The following AGPAT5 variants were observed in gnomAD, a reference collection of about 807,000 sequenced individuals.
AGPAT5 encodes the protein 1-acylglycerol-3-phosphate O-acyltransferase 5.
In AGPAT5, 46 loss-of-function variants were observed where a neutral mutation model predicts 45.6. That is an observed-to-expected ratio of 1.01 (90% CI 0.80 to 1.29). AGPAT5 has a LOEUF of 1.29. Ranked by LOEUF, AGPAT5 falls within the 50% of genes most tolerant of loss-of-function variation. The probability of loss-of-function intolerance (pLI) is 0.00; values close to 1 mark genes in which losing one functional copy is unlikely to be tolerated. For synonymous variants in AGPAT5, 272 were observed against 167.0 expected (o/e 1.63, Z -4.85); for missense variants, 673 against 450.7 (o/e 1.49, Z -4.47).
intron 4 of AGPAT5, 146 bp from the exon 5 acceptor site, chr8:6,741,515 A>G: frequency 1.9e-6 from 1 of 519,370 alleles, no homozygotes; most frequent in Non-Finnish European, 3.4e-6. Flanking sequence ...GCCCCTCTTG[A>G]AACGAAGGTC....
chr8:6,734,268 A>T (rs1414422020), intron 4 of AGPAT5, among the ~76,000 whole-genome samples: 9 of 148,468 alleles, frequency 6.1e-5, no homozygotes, highest in African/African-American at 1.5e-4. Context: ...TTTTTTTTTT[A>T]ATTTTTTTTT....
chr8:6,741,763 T>C lies in AGPAT5; in HGVS notation c.586+12T>C. On this transcript the variant is annotated intron_variant, in intron 5 of 7. Transcript: ENST00000285518. The stretch of plus-strand genomic sequence containing the variant: ...TGCTGCCCAACGTGGTAAGTAAAAA[T>C]TTGAGTGTTTGAACAAATAATTTTC... 6.3e-7 allele frequency: 1 copy of C among 1,575,380 alleles called. No individual in the cohort carries two copies. Among genetic ancestry groups the C allele is most frequent in the Non-Finnish European group, 8.7e-7 (1 of 1,151,860 alleles).
chr8:6,740,304 AAATG>A (rs1344090651), intron 4 of AGPAT5, among the ~76,000 whole-genome samples: 1 of 151,980 alleles, frequency 6.6e-6, no homozygotes, highest in African/African-American at 2.4e-5. Flanking sequence ...ATTTTCATGA[AAATG>A]AATGTGTGGT....
intron 6 of AGPAT5, 24 bp from the exon 7 acceptor site, chr8:6,755,027 A>G (rs200414711): frequency 6.5e-7 from 1 of 1,546,506 alleles, no homozygotes; most frequent in Non-Finnish European, 8.7e-7. Flanking sequence ...GTAAAAAAAA[A>G]GAATTATTTT....
At chr8:6,740,226 T>C (rs1237609037) in intron 4 of AGPAT5, among the ~76,000 whole-genome samples, 1 of 152,046 alleles carries the variant, frequency 6.6e-6, no homozygotes, top group East Asian at 1.9e-4. Flanking sequence ...AATGACTGAG[T>C]TGAAAGCTGA....
At chr8:6,715,235 AGGTAGG>A (rs1800282381) in intron 1 of AGPAT5, among the ~76,000 whole-genome samples, 2 of 152,156 alleles carry the variant, frequency 1.3e-5, no homozygotes, top group Non-Finnish European at 2.9e-5. Flanking sequence ...GGTGGGTGAG[AGGTAGG>A]GGTTTGGAAA....
intron 1 of AGPAT5, among the ~76,000 whole-genome samples, chr8:6,719,098 G>T (rs1800420649): frequency 6.6e-6 from 1 of 152,164 alleles, no homozygotes; most frequent in Non-Finnish European, 1.5e-5. Context: ...AAAATGACTT[G>T]CATAAATCTG....
At chr8:6,754,608 C>G (rs1218606258) in intron 6 of AGPAT5, among the ~76,000 whole-genome samples, 1 of 152,106 alleles carries the variant, frequency 6.6e-6, no homozygotes, top group Non-Finnish European at 1.5e-5. Context: ...CCCTGTGGAG[C>G]TCGCAGTCTG....
chr8:6,725,796 A>G (rs1361929042), intron 2 of AGPAT5, among the ~76,000 whole-genome samples: 1 of 152,238 alleles, frequency 6.6e-6, no homozygotes, highest in Non-Finnish European at 1.5e-5. Context: ...CCTGATCAAT[A>G]TAGTACTCTT....
chr8:6,711,127 C>G (rs1006358715), intron 1 of AGPAT5, among the ~76,000 whole-genome samples: 2 of 152,062 alleles, frequency 1.3e-5, no homozygotes, highest in Non-Finnish European at 2.9e-5. Context: ...CCTTTCAACT[C>G]TAGGTTTAAA....
At chr8:6,730,661 C>A in intron 2 of AGPAT5, 50 bp from the exon 3 acceptor site, 1 of 1,240,342 alleles carries the variant, frequency 8.1e-7, no homozygotes, top group Non-Finnish European at 1.2e-6. Context: ...ATTCATAGTA[C>A]AACCTGTGAA....
At chr8:6,726,323 A>AT (rs1337791102) in intron 2 of AGPAT5, among the ~76,000 whole-genome samples, 1 of 152,110 alleles carries the variant, frequency 6.6e-6, no homozygotes, top group Non-Finnish European at 1.5e-5. Context: ...GATAGATTTG[A>AT]TTTTCCTGCA....
rs537592148 is a variant in AGPAT5 at position 6,741,806 on chromosome 8, T to C, written c.586+55T>C. On this transcript the variant is annotated intron_variant, in intron 5 of 7. Transcript: ENST00000285518. Reference sequence around the variant, plus strand: ...TAATTTTCAAAGATAATAACATTTTTAGTTTTTCTTCCTGGAAAAGATACT... The same window carrying C: ...TAATTTTCAAAGATAATAACATTTTCAGTTTTTCTTCCTGGAAAAGATACT... The C allele has an allele frequency of 2.9e-6, 4 of 1,375,734 alleles. No homozygotes were observed. The Admixed American group carries it at 5.4e-5, about 19-fold the overall frequency. 85.2% of individuals were successfully genotyped at this position (1,375,734 alleles called of 1,614,324 possible).
intron 7 of AGPAT5, among the ~76,000 whole-genome samples, chr8:6,756,480 G>A (rs1165619615): frequency 2.0e-5 from 3 of 152,104 alleles, no homozygotes; most frequent in East Asian, 3.9e-4. Flanking sequence ...ACAAAAATTA[G>A]CCAGGCGTGC....
chr8:6,749,972 C>T (rs1244838572), intron 6 of AGPAT5, among the ~76,000 whole-genome samples: 3 of 152,182 alleles, frequency 2.0e-5, no homozygotes, highest in African/African-American at 7.2e-5. Flanking sequence ...CGTGAAGCCT[C>T]GGCCGTGGTG....
chr8:6,721,629 C>T (rs1800501811), intron 1 of AGPAT5, among the ~76,000 whole-genome samples: 2 of 152,170 alleles, frequency 1.3e-5, no homozygotes, highest in South Asian at 2.1e-4. Context: ...CGTAAAATGA[C>T]AGATGAGGAT....
At chr8:6,708,927 A>C in intron 1 of AGPAT5, 40 bp downstream of exon 1, 1 of 1,567,166 alleles carries the variant, frequency 6.4e-7, no homozygotes, top group Non-Finnish European at 8.6e-7. Context: ...CGTCCACCCG[A>C]GCTCCCGGGG....
At chr8:6,732,737 A>C (rs551550888) in intron 4 of AGPAT5, 87 bp downstream of exon 4, 1 of 1,197,966 alleles carries the variant, frequency 8.3e-7, no homozygotes, top group Non-Finnish European at 1.1e-6. Flanking sequence ...TTGTTTTGAC[A>C]ATGTATTTTC....
At chr8:6,737,794 A>G (rs1056368399) in intron 4 of AGPAT5, among the ~76,000 whole-genome samples, 4 of 152,222 alleles carry the variant, frequency 2.6e-5, no homozygotes, top group African/African-American at 7.2e-5. Flanking sequence ...TTTCTGGATA[A>G]CTTGCTATAG....
Sources: allele counts gnomAD v4.1 joint callset (sites outside exome capture counted in the v4.1 genomes callset), GRCh38; gene constraint gnomAD v4.1.1; transcripts MANE v1.5; gene names NCBI Gene and HGNC (gene_info 2026-07-23, HGNC 2026-07-21).